Variants in FAM76A observed in about 807,000 individuals in gnomAD.
FAM76A encodes protein FAM76A.
Under a neutral mutation model 46.2 loss-of-function variants are expected in FAM76A, and 32 were observed. That is an observed-to-expected ratio of 0.69 (90% confidence interval 0.52 to 0.93). FAM76A has a LOEUF of 0.93. FAM76A is among the 40% of genes least tolerant of loss of function. The pLI, the probability that FAM76A is intolerant of heterozygous loss-of-function variation, is 0.00. For missense variants in FAM76A, 274 were observed against 361.5 expected (o/e 0.76, Z 1.96); for synonymous variants, 137 against 127.0 (o/e 1.08, Z -0.53).
At chr1:27,729,637 C>T (rs1299367822) in intron 2 of FAM76A, among the ~76,000 whole-genome samples, 1 of 152,112 alleles carries the variant, frequency 6.6e-6, no homozygotes, top group African/African-American at 2.4e-5. Context: ...ATCTCTCTCT[C>T]CATCACTATA....
intron 5 of FAM76A, among the ~76,000 whole-genome samples, chr1:27,746,895 A>G (rs1372103186): frequency 2.0e-5 from 3 of 152,038 alleles, no homozygotes; most frequent in African/African-American, 7.2e-5. Flanking sequence ...GGAACAACAT[A>G]ATGAGACCCC....
rs755559347 is a variant in FAM76A at position 27,726,628 on chromosome 1, AT to A, written c.81+483del. Reference sequence around the variant, plus strand: ...TCAGAATCGGAGGTAGCAAGGCTTGATTTTTTTTTTTTTTTTAAGCATCTCA... The same window carrying A: ...TCAGAATCGGAGGTAGCAAGGCTTGATTTTTTTTTTTTTTTAAGCATCTCA... On this transcript the variant is annotated intron_variant, in intron 1 of 8. Coordinates refer to ENST00000373954, the MANE Select transcript of FAM76A (RefSeq NM_152660.3). Among the ~76,000 whole-genome samples the A allele has an allele frequency of 7.0e-3, 972 of 139,404 alleles. 2 individuals are homozygous for A. The highest frequency in any genetic ancestry group is 0.012 in the African/African-American group (477 of 38,172). The allele number at this position is 139,404 out of a possible 152,430, so 91.5% of individuals were successfully genotyped here. A position where few individuals can be genotyped will look rare whatever the true frequency, so the allele number is the denominator to read the frequency against.
chr1:27,758,684 T>TG (rs960377042), intron 7 of FAM76A, among the ~76,000 whole-genome samples: 3 of 149,548 alleles, frequency 2.0e-5, no homozygotes, highest in African/African-American at 7.4e-5. Flanking sequence ...TTTTCGTTTT[T>TG]TTTTTTTTTT....
intron 4 of FAM76A, chr1:27,740,713 G>T: frequency 2.2e-6 from 1 of 453,480 alleles, no homozygotes; most frequent in Non-Finnish European, 4.0e-6. Context: ...TCATATTGCA[G>T]CTGAGGCAAT....
intron 4 of FAM76A, among the ~76,000 whole-genome samples, chr1:27,737,865 CAACAAAAAA>C (rs1331279228): frequency 1.5e-4 from 5 of 34,244 alleles, no homozygotes; most frequent in Admixed American, 5.9e-4. Context: ...ACAACAACAA[CAACAAAAAA>C]AAAAAAAAAA....
chr1:27,755,355 G>T, intron 7 of FAM76A, 25 bp downstream of exon 7: 2 of 1,613,068 alleles, frequency 1.2e-6, no homozygotes, highest in South Asian at 2.2e-5. Context: ...ATTCCTCTCT[G>T]ACCAGAATGA....
At chr1:27,760,401 A>G (rs2088484280) in intron 8 of FAM76A, 94 bp from the exon 9 acceptor site, 8 of 940,724 alleles carry the variant, frequency 8.5e-6, no homozygotes, top group East Asian at 5.9e-5. Context: ...GACCCTCCAC[A>G]TTGTCTGCCT....
At chr1:27,729,659 T>C (rs2087922523) in intron 2 of FAM76A, among the ~76,000 whole-genome samples, 1 of 152,234 alleles carries the variant, frequency 6.6e-6, no homozygotes. Context: ...CAATTCATTT[T>C]ATTTCTGATG....
At chr1:27,740,743 A>T (rs2088137402) in intron 4 of FAM76A, 1 of 392,390 alleles carries the variant, frequency 2.5e-6, no homozygotes, top group Non-Finnish European at 4.7e-6. Flanking sequence ...CTGAGCAATT[A>T]TTCATTCTAA....
chr1:27,726,288 C>A, intron 1 of FAM76A, 127 bp downstream of exon 1: 1 of 823,774 alleles, frequency 1.2e-6, no homozygotes, highest in Non-Finnish European at 1.6e-6. Flanking sequence ...GGCTGAGGAG[C>A]CGCACCCACC....
In FAM76A at chr1:27,744,796, G is replaced by A; in HGVS notation, c.497G>A (p.Gly166Asp). ...GAGCAGTATAGTCGCCTGAGTGGTG[G>A]TGGCCATTATAACAGGTAACCTCAA... Reference protein sequence around the residue: ...EKEQYSRLSGGGHYNSQKTLS... With the variant: ...EKEQYSRLSGDGHYNSQKTLS... Residue 166 changes from glycine to aspartate, a missense_variant, in exon 5 of 9, where the codon GGT (glycine) becomes GAT (aspartate). Transcript: ENST00000373954. 1 of 1,614,094 alleles carries A rather than the reference G, an allele frequency of 6.2e-7. No homozygotes were observed. The highest frequency in any genetic ancestry group is 1.1e-5 in the South Asian group (1 of 91,070).
rs1055179290 is a variant in FAM76A, at chr1:27,762,872, A to G, written c.*2291A>G. The G allele has an allele frequency of 6.6e-5, 10 of 152,168 alleles. No homozygotes were observed. The highest frequency in any genetic ancestry group is 2.0e-4 in the Admixed American group (3 of 15,270). 9.4% of individuals were successfully genotyped at this position (152,168 alleles called of 1,614,324 possible). On this transcript the variant is annotated 3_prime_UTR_variant, in exon 9 of 9. Coordinates refer to ENST00000373954, the MANE Select transcript of FAM76A (RefSeq NM_152660.3). ...TTTTTAAGGTCTTGGCATTTAATAT[A>G]AAGCAAATTCACACGTTTTCTAACT... is the stretch of plus-strand genomic sequence containing the variant.
chr1:27,731,660 A>T (rs1397416505), intron 2 of FAM76A, among the ~76,000 whole-genome samples: 1 of 152,076 alleles, frequency 6.6e-6, no homozygotes, highest in East Asian at 1.9e-4. Flanking sequence ...TGTCACCTCA[A>T]ATTTCCCAAC....
intron 2 of FAM76A, among the ~76,000 whole-genome samples, chr1:27,728,917 T>G (rs2087907818): frequency 6.6e-6 from 1 of 151,580 alleles, no homozygotes; most frequent in African/African-American, 2.4e-5. Context: ...TGAGCTGAGA[T>G]TGCGCCACTG....
chr1:27,734,407 C>T (rs184084885), intron 4 of FAM76A, among the ~76,000 whole-genome samples: 16 of 152,102 alleles, frequency 1.1e-4, no homozygotes, highest in Non-Finnish European at 1.8e-4. Flanking sequence ...ATTAGCCAGG[C>T]GTGGTGGCAT....
At chr1:27,734,603 C>G (rs189209489) in intron 4 of FAM76A, among the ~76,000 whole-genome samples, 1 of 152,234 alleles carries the variant, frequency 6.6e-6, no homozygotes, top group Admixed American at 6.5e-5. Context: ...CAGTTTCTTT[C>G]CTGGTTCTAT....
intron 7 of FAM76A, among the ~76,000 whole-genome samples, chr1:27,755,957 T>C (rs1456565622): frequency 6.6e-6 from 1 of 152,176 alleles, no homozygotes; most frequent in Non-Finnish European, 1.5e-5. Flanking sequence ...CAGCGGAGCA[T>C]GTAACAAACA....
intron 7 of FAM76A, among the ~76,000 whole-genome samples, chr1:27,758,807 C>T (rs1026231479): frequency 6.6e-6 from 1 of 151,914 alleles, no homozygotes; most frequent in Non-Finnish European, 1.5e-5. Flanking sequence ...CATGAGCCAC[C>T]ACTCCTGGCC....
rs780695065 is a variant in FAM76A, at chr1:27,759,565, C to T, written c.775C>T (p.Gln259Ter). Residue 259 changes from glutamine (Q) to a stop codon, truncating the protein, a stop_gained, in exon 8 of 9, where the codon CAG (glutamine) becomes TAG (stop). Transcript: ENST00000373954. LOFTEE classifies it high-confidence loss of function. ...LKADFQYQES[Q>*]MRAKMNQMEK... is the part of the protein sequence containing the mutation. ...GGCTGATTTTCAGTACCAGGAATCGCAGATGAGAGCCAAAATGAACCAGAT... is the reference window on the plus strand; with the variant it reads ...GGCTGATTTTCAGTACCAGGAATCGTAGATGAGAGCCAAAATGAACCAGAT... The T allele has an allele frequency of 1.9e-6, 3 of 1,613,652 alleles. No individual in the cohort carries two copies. Among genetic ancestry groups the T allele is most frequent in the Non-Finnish European group, 1.7e-6 (2 of 1,179,890 alleles).
Sources: allele counts gnomAD v4.1 joint callset (sites outside exome capture counted in the v4.1 genomes callset), GRCh38; gene constraint gnomAD v4.1.1; transcripts MANE v1.5; gene names NCBI Gene and HGNC (gene_info 2026-07-23, HGNC 2026-07-21).